Variants in ASTN2 observed in about 807,000 individuals in gnomAD.
ASTN2 encodes the protein astrotactin 2, also known as astrotactin-2.
ASTN2 carries 54 observed loss-of-function variants against 139.8 expected under a neutral mutation model. The ratio of observed to expected loss-of-function variants is 0.39; its 90% CI spans 0.31 to 0.48. ASTN2 has a LOEUF of 0.48. Ranked by LOEUF, ASTN2 falls within the 20% of genes least tolerant of loss-of-function variation. The pLI is 0.95. For missense variants in ASTN2, 1,565 were observed against 1,725.1 expected (o/e 0.91, Z 1.64); for synonymous variants, 756 against 719.5 (o/e 1.05, Z -0.81).
At chr9:117,006,433 C>T (rs1326110000) in intron 7 of ASTN2, among the ~76,000 whole-genome samples, 1 of 152,138 alleles carries the variant, frequency 6.6e-6, no homozygotes, top group Non-Finnish European at 1.5e-5. Context: ...TTCTTGCATT[C>T]TATTCTCAGT....
intron 19 of ASTN2, among the ~76,000 whole-genome samples, chr9:116,539,458 T>C (rs2119340649): frequency 6.6e-6 from 1 of 152,210 alleles, no homozygotes; most frequent in East Asian, 1.9e-4. Flanking sequence ...AAAAAAAATT[T>C]AAAGACTGAG....
intron 12 of ASTN2, 25 bp downstream of exon 12, chr9:116,820,592 C>A: frequency 6.2e-7 from 1 of 1,606,078 alleles, no homozygotes; most frequent in Admixed American, 1.7e-5. Flanking sequence ...AATGGGGCAC[C>A]TGGGCCTTGG....
intron 4 of ASTN2, among the ~76,000 whole-genome samples, chr9:117,116,431 G>A (rs17309095): frequency 0.17 from 26,058 of 151,904 alleles, 2,545 homozygotes; most frequent in Non-Finnish European, 0.22. Context: ...GGCACTACAG[G>A]GTCTTTATCA....
chr9:117,344,755 C>G (rs2130870036), intron 1 of ASTN2, among the ~76,000 whole-genome samples: 1 of 152,150 alleles, frequency 6.6e-6, no homozygotes, highest in Admixed American at 6.5e-5. Flanking sequence ...AACTCTAGAC[C>G]TAAGAGTAAT....
intron 10 of ASTN2, among the ~76,000 whole-genome samples, chr9:116,911,139 A>G (rs559089156): frequency 6.6e-6 from 1 of 152,358 alleles, no homozygotes; most frequent in Non-Finnish European, 1.5e-5. Flanking sequence ...TAGCATCTTC[A>G]TTCGCAAGCG....
At chr9:116,835,116 C>T (rs947521270) in intron 11 of ASTN2, among the ~76,000 whole-genome samples, 1 of 152,088 alleles carries the variant, frequency 6.6e-6, no homozygotes, top group African/African-American at 2.4e-5. Context: ...TCTGGCATTA[C>T]ATTATATTAT....
At chr9:117,412,722 G>T (rs1200495263) in intron 1 of ASTN2, among the ~76,000 whole-genome samples, 1 of 152,158 alleles carries the variant, frequency 6.6e-6, no homozygotes, top group Non-Finnish European at 1.5e-5. Context: ...GAGTACCCCG[G>T]AGTAGAGAGA....
chr9:116,530,121 A>ATATATG (rs1851267957), intron 19 of ASTN2, among the ~76,000 whole-genome samples: 8 of 46,370 alleles, frequency 1.7e-4, no homozygotes, highest in Admixed American at 1.6e-3. Flanking sequence ...ATATATATAT[A>ATATATG]TATATATATA....
intron 10 of ASTN2, among the ~76,000 whole-genome samples, chr9:116,953,231 TA>T (rs1293242808): frequency 3.3e-5 from 5 of 152,352 alleles, no homozygotes; most frequent in Non-Finnish European, 7.3e-5. Flanking sequence ...ATTTTACTGA[TA>T]AGGAAACTGA....
At position 117,068,515 on chromosome 9, in the gene ASTN2, G is replaced by A. The variant is rs1408412313; in HGVS notation, c.1276+27529C>T. Among the ~76,000 whole-genome samples, 4 of 117,448 alleles carry A rather than the reference G, an allele frequency of 3.4e-5. No homozygotes were observed. The East Asian group carries it at 1.3e-3, about 39-fold the overall frequency. The allele number at this position is 117,448 out of a possible 152,430, so 77.1% of individuals were successfully genotyped here. ...CTGGCTTTGGTATCAGAATGATGCT[G>A]GCCTCATAAAATGCGTTAGGGAGGA... On this transcript the variant is annotated intron_variant, in intron 5 of 22. Coordinates refer to ENST00000313400, the MANE Select transcript of ASTN2 (RefSeq NM_001365068.1).
At chr9:117,351,314 T>G (rs901754936) in intron 1 of ASTN2, among the ~76,000 whole-genome samples, 10 of 152,202 alleles carry the variant, frequency 6.6e-5, no homozygotes, top group African/African-American at 1.9e-4. Flanking sequence ...ATTATAACTT[T>G]CGAGAAACTT....
intron 5 of ASTN2, among the ~76,000 whole-genome samples, chr9:117,057,946 C>A (rs758764114): frequency 6.6e-6 from 1 of 152,152 alleles, no homozygotes; most frequent in Non-Finnish European, 1.5e-5. Flanking sequence ...GAGGCACTCC[C>A]TCCCACCTCT....
At chr9:116,759,619 A>T (rs1336773794) in intron 13 of ASTN2, among the ~76,000 whole-genome samples, 2 of 152,134 alleles carry the variant, frequency 1.3e-5, no homozygotes, top group South Asian at 2.1e-4. Context: ...TACTTCATTC[A>T]TGCCTCTGCT....
At chr9:117,109,218 G>C (rs1483863513) in intron 4 of ASTN2, among the ~76,000 whole-genome samples, 4 of 152,004 alleles carry the variant, frequency 2.6e-5, no homozygotes, top group Admixed American at 2.6e-4. Context: ...GGAGGCAGAG[G>C]TTGCAGTGAG....
intron 16 of ASTN2, among the ~76,000 whole-genome samples, chr9:116,708,152 A>G (rs1331305061): frequency 6.6e-6 from 1 of 152,154 alleles, no homozygotes; most frequent in Non-Finnish European, 1.5e-5. Flanking sequence ...TTTGAAACCC[A>G]TATACCAGAC....
chr9:116,873,032 T>G (rs1213330155), intron 10 of ASTN2, among the ~76,000 whole-genome samples: 3 of 152,198 alleles, frequency 2.0e-5, no homozygotes, highest in Non-Finnish European at 4.4e-5. Flanking sequence ...ATATCATAGA[T>G]GAATAGTTTA....
At chr9:117,106,611 G>A (rs1829110357) in intron 4 of ASTN2, among the ~76,000 whole-genome samples, 1 of 152,080 alleles carries the variant, frequency 6.6e-6, no homozygotes, top group African/African-American at 2.4e-5. Context: ...TCAAAAATAA[G>A]AAAGGCACAA....
chr9:116,869,052 G>C (rs1294347599), intron 10 of ASTN2, among the ~76,000 whole-genome samples: 1 of 152,096 alleles, frequency 6.6e-6, no homozygotes, highest in African/African-American at 2.4e-5. Flanking sequence ...GGGTGTGGTG[G>C]TGGGTGCCTG....
chr9:116,658,114 T>C (rs1024787891), intron 16 of ASTN2, among the ~76,000 whole-genome samples: 1 of 152,124 alleles, frequency 6.6e-6, no homozygotes, highest in Non-Finnish European at 1.5e-5. Context: ...TGTTTTGTTT[T>C]GTTTTTGCAA....
Sources: gnomAD v4.1 joint callset for allele counts (sites outside exome capture counted in the v4.1 genomes callset) on GRCh38, gnomAD v4.1.1 for gene constraint, MANE v1.5 for transcripts, NCBI Gene and HGNC (gene_info 2026-07-23, HGNC 2026-07-21) for gene names.